Variants in FAM120C observed in about 807,000 individuals in gnomAD.
FAM120C encodes the protein family with sequence similarity 120 member C.
FAM120C carries 14 observed loss-of-function variants against 71.2 expected under a neutral mutation model. The ratio of observed to expected loss-of-function variants is 0.20; its 90% CI spans 0.13 to 0.31. The LOEUF (loss-of-function observed/expected upper bound fraction) is 0.31, where lower values mean the gene tolerates loss of function less well. Among genes scored for constraint, FAM120C ranks in the 10% least tolerant of loss-of-function variants. The pLI is 1.00. For synonymous variants in FAM120C, 354 were observed against 353.2 expected, an observed-to-expected ratio of 1.00 and a Z score of -0.03; for missense variants, 500 against 879.0, an observed-to-expected ratio of 0.57 and a Z score of 5.45.
intron 10 of FAM120C, among the ~76,000 whole-genome samples, chrX:54,109,256 T>C (rs1488208392): frequency 1.5e-5 from 1 of 66,066 alleles, no homozygotes; most frequent in East Asian, 4.6e-4. Context: ...TTAGACTCCA[T>C]AACTGTAAGA....
Position 54,149,207 on chromosome X carries a change from G to A in FAM120C, c.1158+2038C>T, listed in dbSNP as rs183543693. 4.9e-4 allele frequency among the ~76,000 whole-genome samples: 55 copies of A among 112,359 alleles called. 1 individual carries two copies. In the East Asian group the frequency reaches 6.7e-3, roughly 14 times the overall value. Reference sequence around the variant, plus strand: ...TCTAAATATTCTTTAACGGGTAAATGTATAAACAAACTGGCATATCCATGC... The same window carrying A: ...TCTAAATATTCTTTAACGGGTAAATATATAAACAAACTGGCATATCCATGC... On this transcript the variant is annotated intron_variant, in intron 4 of 15. Transcript: ENST00000375180.
intron 1 of FAM120C, among the ~76,000 whole-genome samples, chrX:54,175,113 C>T (rs1291345331): frequency 9.0e-6 from 1 of 111,576 alleles, no homozygotes; most frequent in African/African-American, 3.3e-5. Flanking sequence ...TTCATTTTCT[C>T]CACAGCATTT....
At chrX:54,089,847 T>G (rs1421861315) in intron 11 of FAM120C, among the ~76,000 whole-genome samples, 1 of 109,198 alleles carries the variant, frequency 9.2e-6, no homozygotes, top group Non-Finnish European at 1.9e-5. Flanking sequence ...TAATCCCAGC[T>G]AGTCGGGAGG....
intron 3 of FAM120C, among the ~76,000 whole-genome samples, chrX:54,152,510 G>T (rs2067189022): frequency 8.9e-6 from 1 of 111,878 alleles, no homozygotes; most frequent in African/African-American, 3.2e-5. Flanking sequence ...CGCCTGCCAT[G>T]GCCTCCCAAA....
intron 10 of FAM120C, among the ~76,000 whole-genome samples, chrX:54,113,329 G>C (rs147089379): frequency 1.9e-5 from 2 of 103,287 alleles, no homozygotes; most frequent in Admixed American, 2.1e-4. Flanking sequence ...GCGTGGTGGC[G>C]TGCACCTGTA....
At chrX:54,117,652 C>A (rs1557126852) in intron 9 of FAM120C, among the ~76,000 whole-genome samples, 1 of 105,907 alleles carries the variant, frequency 9.4e-6, no homozygotes, top group Non-Finnish European at 1.9e-5. Context: ...GAGCCAAGAT[C>A]AAGTCACCGC....
chrX:54,079,441 CGAGAGA>C (rs201642298), intron 15 of FAM120C, among the ~76,000 whole-genome samples: 4 of 100,394 alleles, frequency 4.0e-5, no homozygotes, highest in Non-Finnish European at 6.1e-5. Flanking sequence ...GAGACCCTGT[CGAGAGA>C]GAGAGAGAGA....
rs782162495 is a variant in FAM120C at position 54,113,210 on chromosome X, C to T, written c.2312+3335G>A. Among the ~76,000 whole-genome samples the T allele has an allele frequency of 2.6e-3, 288 of 110,915 alleles. 2 individuals are homozygous for T. The highest frequency in any genetic ancestry group is 9.2e-3 in the African/African-American group (281 of 30,558). On this transcript the variant is annotated intron_variant, in intron 10 of 15. Transcript: ENST00000375180. ...GGGGCGGTGGCTCACACCTGTAATC[C>T]CAGCATTTTGGGAGGTCAAGGCGGG...
chrX:54,160,806 G>A (rs181143988), intron 1 of FAM120C, among the ~76,000 whole-genome samples: 116 of 111,257 alleles, frequency 1.0e-3, no homozygotes, highest in East Asian at 8.5e-3. Flanking sequence ...CACATTGTTA[G>A]CCCCAAGGTC....
chrX:54,150,296 T>G (rs1195243761), intron 4 of FAM120C, among the ~76,000 whole-genome samples: 1 of 112,063 alleles, frequency 8.9e-6, no homozygotes, highest in Non-Finnish European at 1.9e-5. Flanking sequence ...GCCTATTTTA[T>G]AATAAAGTAT....
Position 54,182,869 on chromosome X carries a change from G to GGGCAGC in FAM120C, c.329_330insGCTGCC (p.Pro110_Pro111insLeuPro). 8.8e-7 allele frequency: 1 copy of GGGCAGC among 1,134,064 alleles called. No individual in the cohort carries two copies. Among genetic ancestry groups the GGGCAGC allele is most frequent in the Non-Finnish European group, 1.2e-6 (1 of 859,179 alleles). The allele number at this position is 1,134,064 out of a possible 1,213,427, so 93.5% of individuals were successfully genotyped here. A position where few individuals can be genotyped will look rare whatever the true frequency, so the allele number is the denominator to read the frequency against. On this transcript the variant is annotated inframe_insertion, in exon 1 of 16. Coordinates refer to ENST00000375180, the MANE Select transcript of FAM120C (RefSeq NM_017848.6). ...GCACCCGGGCCCCGGGCAGCTGAGGGGGCGGCGGCGGCGGCAGCGGAGGGT... is the reference window on the plus strand; with the variant it reads ...GCACCCGGGCCCCGGGCAGCTGAGGGGGCAGCGGCGGCGGCGGCGGCAGCGGAGGGT...
At chrX:54,167,334 C>T (rs1378331871) in intron 1 of FAM120C, among the ~76,000 whole-genome samples, 1 of 111,783 alleles carries the variant, frequency 8.9e-6, no homozygotes, top group African/African-American at 3.2e-5. Flanking sequence ...CCAGTTTAGT[C>T]GTTAACCTTG....
chrX:54,154,575 C>A (rs1372378018), intron 3 of FAM120C, among the ~76,000 whole-genome samples: 1 of 96,595 alleles, frequency 1.0e-5, no homozygotes, highest in African/African-American at 3.9e-5. Flanking sequence ...CCACTGCACT[C>A]TAGCATGGGC....
At chrX:54,094,325 C>G (rs2066839441) in intron 10 of FAM120C, among the ~76,000 whole-genome samples, 1 of 106,926 alleles carries the variant, frequency 9.4e-6, no homozygotes, top group Admixed American at 1.0e-4. Context: ...TCTCGAACTC[C>G]TGACCTCGTG....
intron 12 of FAM120C, among the ~76,000 whole-genome samples, chrX:54,086,284 A>G (rs1557121959): frequency 8.9e-6 from 1 of 112,283 alleles, no homozygotes; most frequent in Non-Finnish European, 1.9e-5. Context: ...GAGAATAAAA[A>G]TCTGACAAAT....
chrX:54,110,588 T>C (rs2066931558), intron 10 of FAM120C, among the ~76,000 whole-genome samples: 1 of 110,969 alleles, frequency 9.0e-6, no homozygotes, highest in Non-Finnish European at 1.9e-5. Flanking sequence ...TTTTTCTATA[T>C]ATATGAAATT....
intron 1 of FAM120C, among the ~76,000 whole-genome samples, chrX:54,181,591 T>C (rs1196167750): frequency 9.0e-6 from 1 of 111,454 alleles, no homozygotes; most frequent in African/African-American, 3.3e-5. Context: ...TTTTTGCTTC[T>C]GCTCATTTTC....
intron 15 of FAM120C, among the ~76,000 whole-genome samples, chrX:54,076,391 GA>G (rs2066736268): frequency 1.8e-5 from 2 of 110,248 alleles, no homozygotes; most frequent in African/African-American, 6.6e-5. Context: ...TGTAGCCTAG[GA>G]ATAATCTCAG....
At chrX:54,149,102 A>G (rs2067171758) in intron 4 of FAM120C, among the ~76,000 whole-genome samples, 1 of 112,321 alleles carries the variant, frequency 8.9e-6, no homozygotes, top group African/African-American at 3.2e-5. Flanking sequence ...CACCAGGGAA[A>G]TAAAAACTTA....
Sources: gnomAD v4.1 joint callset for allele counts (sites outside exome capture counted in the v4.1 genomes callset) on GRCh38, gnomAD v4.1.1 for gene constraint, MANE v1.5 for transcripts, NCBI Gene and HGNC (gene_info 2026-07-23, HGNC 2026-07-21) for gene names.